The following PAN3 variants were observed in gnomAD, a reference collection of about 807,000 sequenced individuals.
PAN3 encodes poly(A) specific ribonuclease subunit PAN3.
Under a neutral mutation model 96.2 loss-of-function variants are expected in PAN3, and 19 were observed. The observed-to-expected ratio is 0.20, with a 90% CI of 0.14 to 0.29. The LOEUF is 0.29. Ranked by LOEUF, PAN3 falls within the 10% of genes least tolerant of loss-of-function variation. The probability of loss-of-function intolerance (pLI) is 1.00; values close to 1 mark genes in which losing one functional copy is unlikely to be tolerated. For missense variants in PAN3, 882 were observed against 1,108.1 expected (o/e 0.80, Z 2.90); for synonymous variants, 433 against 406.6 (o/e 1.06, Z -0.78).
intron 5 of PAN3, among the ~76,000 whole-genome samples, chr13:28,216,581 T>C (rs1329358863): frequency 1.3e-5 from 2 of 152,140 alleles, no homozygotes; most frequent in Non-Finnish European, 2.9e-5. Context: ...TACAGAGCCC[T>C]TAAGATAGCT....
intron 17 of PAN3, among the ~76,000 whole-genome samples, chr13:28,285,348 G>A (rs1868847990): frequency 6.6e-6 from 1 of 152,196 alleles, no homozygotes; most frequent in Non-Finnish European, 1.5e-5. Context: ...TGATAGTTCA[G>A]AATTTGAAGC....
intron 16 of PAN3, 48 bp from the exon 17 acceptor site, chr13:28,281,267 C>T: frequency 6.6e-7 from 1 of 1,512,730 alleles, no homozygotes; most frequent in Non-Finnish European, 9.1e-7. Context: ...CTTTTATGTT[C>T]AGTTATCTGG....
intron 17 of PAN3, among the ~76,000 whole-genome samples, chr13:28,284,243 G>A (rs993741501): frequency 2.0e-5 from 3 of 152,092 alleles, no homozygotes; most frequent in Admixed American, 2.0e-4. Context: ...TAACAAGCAT[G>A]TTTGAGGGTC....
intron 14 of PAN3, among the ~76,000 whole-genome samples, chr13:28,273,330 G>C (rs1265870005): frequency 6.6e-6 from 1 of 152,048 alleles, no homozygotes; most frequent in Non-Finnish European, 1.5e-5. Context: ...GGCCAGGTGT[G>C]GTGGCTCACA....
rs998923587 is a variant in PAN3 at position 28,214,014 on chromosome 13, C to T, written c.853-6217C>T. Among the ~76,000 whole-genome samples, 7 of 152,084 alleles carry T rather than the reference C, an allele frequency of 4.6e-5. No homozygotes were observed. In the East Asian group the frequency reaches 7.7e-4, roughly 17 times the overall value. ...AAATAGTACAGCTAGGCTGGAGTAT[C>T]GCTTGAGTGGCTGTAGTGAGCAATG... On this transcript the variant is annotated intron_variant, in intron 5 of 18. Transcript: ENST00000380958.
chr13:28,280,506 A>T lies in PAN3; in HGVS notation c.2284A>T (p.Met762Leu). 6.2e-7 allele frequency: 1 copy of T among 1,613,168 alleles called. No individual in the cohort carries two copies. The highest frequency in any genetic ancestry group is 8.5e-7 in the Non-Finnish European group (1 of 1,179,616). Residue 762 changes from methionine (M) to leucine (L), a missense_variant, in exon 16 of 19, where the codon ATG becomes TTG. Met to Leu is a conservative substitution (Grantham distance 15). Transcript: ENST00000380958. ...TTATACTCAATTGGATGCTGCTCAA[A>T]TGAGAAATGATGTCATAGAGGAAGA... The part of the protein sequence containing the change: ...RFYTQLDAAQ[M>L]RNDVIEEDLA...
intron 5 of PAN3, among the ~76,000 whole-genome samples, chr13:28,219,821 A>T (rs928672264): frequency 6.6e-6 from 1 of 152,250 alleles, no homozygotes; most frequent in African/African-American, 2.4e-5. Context: ...TACAAAAAAG[A>T]AAGTGATTAA....
At chr13:28,292,208 ATGTC>A (rs1869841270) in intron 18 of PAN3, among the ~76,000 whole-genome samples, 170 bp from the exon 19 acceptor site, 1 of 152,224 alleles carries the variant, frequency 6.6e-6, no homozygotes, top group African/African-American at 2.4e-5. Flanking sequence ...TTGTGTAAAA[ATGTC>A]TGAGTCGAAA....
intron 1 of PAN3, among the ~76,000 whole-genome samples, chr13:28,144,364 G>A (rs1203629195): frequency 6.6e-6 from 1 of 151,752 alleles, no homozygotes; most frequent in Non-Finnish European, 1.5e-5. Flanking sequence ...ACAGGCGCCC[G>A]CCACCACGCC....
intron 5 of PAN3, chr13:28,215,409 T>TG (rs1211073745): frequency 1.4e-6 from 1 of 724,156 alleles, no homozygotes. Flanking sequence ...GAGCTTTGAG[T>TG]GAAGCTCTTC....
At chr13:28,179,936 TAATAC>T (rs1875548731) in intron 4 of PAN3, among the ~76,000 whole-genome samples, 9 of 152,136 alleles carry the variant, frequency 5.9e-5, no homozygotes, top group Admixed American at 5.9e-4. Context: ...TAATTTATTT[TAATAC>T]AATAAAATGT....
intron 2 of PAN3, 28 bp from the exon 3 acceptor site, chr13:28,176,465 T>A (rs1875010066): frequency 6.3e-7 from 1 of 1,584,350 alleles, no homozygotes; most frequent in African/African-American, 1.3e-5. Flanking sequence ...TCCTCAGTGA[T>A]GTTATAAATA....
chr13:28,265,086 TAAATG>T (rs1292547754), intron 9 of PAN3, among the ~76,000 whole-genome samples: 2 of 152,248 alleles, frequency 1.3e-5, no homozygotes, highest in Non-Finnish European at 2.9e-5. Context: ...TGCTCCTTAA[TAAATG>T]AAATAGCTGG....
At chr13:28,140,718 CT>C (rs1344585050) in intron 1 of PAN3, among the ~76,000 whole-genome samples, 1 of 150,548 alleles carries the variant, frequency 6.6e-6, no homozygotes, top group Middle Eastern at 3.2e-3. Flanking sequence ...TCCTTTCTCT[CT>C]TCTTTCTTTT....
Position 28,286,258 on chromosome 13 carries a change from G to A in PAN3, c.2385-1726G>A, listed in dbSNP as rs185014404. 2.6e-5 allele frequency among the ~76,000 whole-genome samples: 4 copies of A among 152,282 alleles called. No individual in the cohort carries two copies. The East Asian group carries it at 7.7e-4, about 29-fold the overall frequency. On this transcript the variant is annotated intron_variant, in intron 17 of 18. Coordinates refer to ENST00000380958, the MANE Select transcript of PAN3 (RefSeq NM_175854.8). ...AGCCAGGGTTTGGGAACCACACAGA[G>A]GGAAAGCATTTGTTGAATAGGGTGT...
chr13:28,175,653 T>A (rs746858251), intron 2 of PAN3, among the ~76,000 whole-genome samples: 9 of 152,148 alleles, frequency 5.9e-5, no homozygotes, highest in Non-Finnish European at 1.2e-4. Flanking sequence ...ATATGCACTC[T>A]AAGGGTTGTT....
intron 17 of PAN3, among the ~76,000 whole-genome samples, chr13:28,287,460 A>C (rs1869130279): frequency 6.6e-6 from 1 of 152,216 alleles, no homozygotes; most frequent in African/African-American, 2.4e-5. Flanking sequence ...TGATTATTTG[A>C]ATAACGTCTG....
intron 17 of PAN3, among the ~76,000 whole-genome samples, chr13:28,285,217 T>A (rs1159562743): frequency 2.6e-5 from 4 of 152,176 alleles, no homozygotes; most frequent in Non-Finnish European, 4.4e-5. Context: ...GTAAATTCTC[T>A]TTGAGTTTCC....
At chr13:28,230,349 T>G (rs986222858) in intron 6 of PAN3, among the ~76,000 whole-genome samples, 1 of 152,010 alleles carries the variant, frequency 6.6e-6, no homozygotes, top group Non-Finnish European at 1.5e-5. Context: ...TCAAAATACT[T>G]AGGAAATGAG....
Sources: gnomAD v4.1 joint callset for allele counts (sites outside exome capture counted in the v4.1 genomes callset) on GRCh38, gnomAD v4.1.1 for gene constraint, MANE v1.5 for transcripts, NCBI Gene and HGNC (gene_info 2026-07-23, HGNC 2026-07-21) for gene names.